PTPRN2: variants seen among roughly 807,000 people sequenced by gnomAD.
The protein encoded by PTPRN2 is receptor-type tyrosine-protein phosphatase N2.
In PTPRN2, 74 loss-of-function variants were observed where a neutral mutation model predicts 118.8. The ratio of observed to expected loss-of-function variants is 0.62; its 90% CI spans 0.52 to 0.76. The LOEUF is 0.76. Ranked by LOEUF, PTPRN2 falls within the 30% of genes least tolerant of loss-of-function variation. The pLI is 0.00. For missense variants in PTPRN2, 1,481 were observed against 1,394.4 expected, an observed-to-expected ratio of 1.06 and a Z score of -0.99; for synonymous variants, 641 against 608.0, an observed-to-expected ratio of 1.05 and a Z score of -0.80.
chr7:157,948,618 A>G (rs1800625037), intron 11 of PTPRN2, among the ~76,000 whole-genome samples: 1 of 152,222 alleles, frequency 6.6e-6, no homozygotes, highest in African/African-American at 2.4e-5. Context: ...AATTACTGTA[A>G]ATGAAAAGGG....
chr7:157,648,506 C>G (rs1211406547), intron 14 of PTPRN2, among the ~76,000 whole-genome samples: 2 of 104,864 alleles, frequency 1.9e-5, no homozygotes, highest in African/African-American at 3.4e-5. Flanking sequence ...TCGGACCCAT[C>G]CAGCGTGCAC....
chr7:157,563,070 T>G, intron 21 of PTPRN2, among the ~76,000 whole-genome samples: 2 of 119,768 alleles, frequency 1.7e-5, no homozygotes, highest in Non-Finnish European at 3.4e-5. Context: ...ACACCACAGA[T>G]CAGGACCACG....
chr7:157,912,389 G>A (rs1376756280), intron 11 of PTPRN2, among the ~76,000 whole-genome samples: 1 of 152,100 alleles, frequency 6.6e-6, no homozygotes, highest in Non-Finnish European at 1.5e-5. Flanking sequence ...CTGCTTTGTA[G>A]AAGTTCTTCA....
At chr7:157,639,032 CTTCTTTCT>C (rs1414204945) in intron 14 of PTPRN2, among the ~76,000 whole-genome samples, 3 of 151,818 alleles carry the variant, frequency 2.0e-5, no homozygotes, top group Admixed American at 2.0e-4. Context: ...TCTTTCTTTC[CTTCTTTCT>C]TTCTTTTTTT....
intron 3 of PTPRN2, among the ~76,000 whole-genome samples, chr7:158,280,018 C>G (rs1799310170): frequency 6.6e-6 from 1 of 151,044 alleles, no homozygotes; most frequent in African/African-American, 2.4e-5. Context: ...CCCCCGAACC[C>G]ACAGAGCCCC....
chr7:158,271,081 A>G (rs1482292324), intron 3 of PTPRN2, among the ~76,000 whole-genome samples: 191 of 51,662 alleles, frequency 3.7e-3, no homozygotes, highest in African/African-American at 8.3e-3. Flanking sequence ...CACCTGGACG[A>G]CCCCCTCCAC....
chr7:158,406,780 T>C (rs1813480301), intron 2 of PTPRN2, among the ~76,000 whole-genome samples: 1 of 152,220 alleles, frequency 6.6e-6, no homozygotes, highest in Non-Finnish European at 1.5e-5. Flanking sequence ...ATGCTCCTGA[T>C]TTTGTTTTTT....
intron 2 of PTPRN2, among the ~76,000 whole-genome samples, chr7:158,369,264 C>CAT (rs1563209032): frequency 4.0e-4 from 9 of 22,690 alleles, no homozygotes; most frequent in African/African-American, 7.2e-4. Flanking sequence ...TATATATACA[C>CAT]ACATACACAC....
chr7:158,024,293 T>C (rs1161219404), intron 11 of PTPRN2, among the ~76,000 whole-genome samples: 1 of 152,196 alleles, frequency 6.6e-6, no homozygotes, highest in Non-Finnish European at 1.5e-5. Flanking sequence ...CTTAATTGAC[T>C]GGTCAGTCTC....
intron 1 of PTPRN2, among the ~76,000 whole-genome samples, chr7:158,527,891 C>G (rs889901431): frequency 5.3e-5 from 8 of 151,538 alleles, no homozygotes; most frequent in African/African-American, 1.9e-4. Context: ...CGCCTCGGTG[C>G]TGCTGTCTCA....
intron 11 of PTPRN2, among the ~76,000 whole-genome samples, chr7:157,913,856 T>C (rs989917948): frequency 3.3e-5 from 5 of 152,242 alleles, no homozygotes; most frequent in African/African-American, 7.2e-5. Context: ...TCATGAGCTG[T>C]GTAGTCTGGG....
intron 21 of PTPRN2, among the ~76,000 whole-genome samples, chr7:157,567,533 G>T (rs572492963): frequency 1.3e-5 from 2 of 151,872 alleles, no homozygotes; most frequent in African/African-American, 4.8e-5. Flanking sequence ...ACATATTTAT[G>T]TCTTTTTTTT....
Position 158,138,265 on chromosome 7 carries a change from G to A in PTPRN2, c.1132+29C>T, listed in dbSNP as rs777087657. 3 of 1,604,430 alleles carry A rather than the reference G, an allele frequency of 1.9e-6. No individual in the cohort carries two copies. In the African/African-American group the frequency reaches 4.0e-5, roughly 21 times the overall value. ...GCCTCCCCTCCCCGCAGCACCCCTG[G>A]GTGTGGGCACCCATGGCGCTGCAGT... is the stretch of plus-strand genomic sequence containing the variant. On this transcript the variant is annotated intron_variant, in intron 7 of 22. Coordinates refer to ENST00000389418, the MANE Select transcript of PTPRN2 (RefSeq NM_002847.5).
intron 6 of PTPRN2, among the ~76,000 whole-genome samples, chr7:158,155,741 ATCATCAC>A (rs1821747684): frequency 1.0e-5 from 1 of 99,668 alleles, no homozygotes; most frequent in Non-Finnish European, 2.3e-5. Context: ...CATCATCACC[ATCATCAC>A]CATCACCATC....
intron 11 of PTPRN2, among the ~76,000 whole-genome samples, chr7:158,049,808 CAGG>C (rs1809190616): frequency 6.6e-6 from 1 of 152,092 alleles, no homozygotes; most frequent in African/African-American, 2.4e-5. Flanking sequence ...GAGGCTGAGG[CAGG>C]AGAATTGCTT....
At chr7:158,320,332 C>T (rs1586248309) in intron 2 of PTPRN2, among the ~76,000 whole-genome samples, 1 of 152,320 alleles carries the variant, frequency 6.6e-6, no homozygotes, top group African/African-American at 2.4e-5. Context: ...TTGTAGGAAA[C>T]CGCCAAACTG....
chr7:157,725,566 A>T (rs1799525308), intron 12 of PTPRN2, among the ~76,000 whole-genome samples: 1 of 132,804 alleles, frequency 7.5e-6, no homozygotes, highest in East Asian at 2.2e-4. Flanking sequence ...CACGCAGAGG[A>T]GTGAGCCAGA....
chr7:157,942,744 C>A (rs1264734697), intron 11 of PTPRN2, among the ~76,000 whole-genome samples: 1 of 152,150 alleles, frequency 6.6e-6, no homozygotes, highest in South Asian at 2.1e-4. Context: ...CTGCCCCCAC[C>A]TTTTCTAGGA....
intron 21 of PTPRN2, among the ~76,000 whole-genome samples, chr7:157,565,118 CAAA>C (rs533468644): frequency 4.1e-4 from 63 of 152,328 alleles, no homozygotes; most frequent in Non-Finnish European, 5.0e-4. Flanking sequence ...TTCGCGGAAA[CAAA>C]GAAGAACGGA....
Sources: gnomAD v4.1 joint callset for allele counts (sites outside exome capture counted in the v4.1 genomes callset) on GRCh38, gnomAD v4.1.1 for gene constraint, MANE v1.5 for transcripts, NCBI Gene and HGNC (gene_info 2026-07-23, HGNC 2026-07-21) for gene names.